Variants in TMX4 observed in about 807,000 individuals in gnomAD.
The protein encoded by TMX4 is thioredoxin related transmembrane protein 4.
Under a neutral mutation model 33.3 loss-of-function variants are expected in TMX4, and 23 were observed. The observed-to-expected ratio is 0.69, with a 90% confidence interval of 0.50 to 0.98. The LOEUF is 0.98. TMX4 is among the 50% of genes least tolerant of loss of function. The pLI, the probability that TMX4 is intolerant of heterozygous loss-of-function variation, is 0.00. For synonymous variants in TMX4, 164 were observed against 161.5 expected, an observed-to-expected ratio of 1.02 and a Z score of -0.12; for missense variants, 399 against 448.9, an observed-to-expected ratio of 0.89 and a Z score of 1.01.
intron 2 of TMX4, among the ~76,000 whole-genome samples, chr20:8,005,227 C>G (rs954895951): frequency 6.6e-6 from 1 of 152,134 alleles, no homozygotes; most frequent in Admixed American, 6.5e-5. Context: ...CTGCTGTTTT[C>G]CTGACCTTGA....
intron 1 of TMX4, among the ~76,000 whole-genome samples, chr20:8,017,744 G>A (rs999606758): frequency 6.6e-6 from 1 of 152,170 alleles, no homozygotes; most frequent in Non-Finnish European, 1.5e-5. Flanking sequence ...CTGACAAAAT[G>A]CAGTTTATCC....
Position 7,988,440 on chromosome 20 carries a change from GATAA to G in TMX4, c.514-1055_514-1052del, listed in dbSNP as rs547317124. Among the ~76,000 whole-genome samples, 110 of 152,308 alleles carry G rather than the reference GATAA, an allele frequency of 7.2e-4. No homozygotes were observed. In the Middle Eastern group the frequency reaches 0.01, roughly 14 times the overall value. On this transcript the variant is annotated intron_variant, in intron 5 of 7. Transcript: ENST00000246024. ...ATTTTATTCTGGCTTAATTTGGAATGATAAATAAAGAACAAAGCTTGTAAACTGA... is the reference window on the plus strand; with the variant it reads ...ATTTTATTCTGGCTTAATTTGGAATGATAAAGAACAAAGCTTGTAAACTGA...
At chr20:7,995,919 T>C in intron 5 of TMX4, 107 bp downstream of exon 5, 7 of 981,728 alleles carry the variant, frequency 7.1e-6, no homozygotes, top group Admixed American at 2.6e-5. Flanking sequence ...AGAAAAAAAG[T>C]GAAATTATAA....
chr20:7,998,521 G>C (rs2050687093), intron 4 of TMX4, among the ~76,000 whole-genome samples: 1 of 152,006 alleles, frequency 6.6e-6, no homozygotes, highest in Non-Finnish European at 1.5e-5. Context: ...CCTCTCCTAA[G>C]GGTCACCTTC....
At chr20:8,005,466 T>G (rs2050724999) in intron 2 of TMX4, among the ~76,000 whole-genome samples, 1 of 152,120 alleles carries the variant, frequency 6.6e-6, no homozygotes, top group African/African-American at 2.4e-5. Context: ...GGCAGGGAAG[T>G]GCTGGGAGGG....
chr20:8,010,380 C>T (rs183054556), intron 1 of TMX4, 65 bp from the exon 2 acceptor site: 21 of 988,942 alleles, frequency 2.1e-5, no homozygotes, highest in Middle Eastern at 2.3e-4. Context: ...ACAGAGAAAT[C>T]GAGTATTTAA....
At chr20:8,016,247 C>T (rs1297790958) in intron 1 of TMX4, among the ~76,000 whole-genome samples, 2 of 152,132 alleles carry the variant, frequency 1.3e-5, no homozygotes, top group Non-Finnish European at 2.9e-5. Flanking sequence ...AGCCGGGTGC[C>T]TGTATTCCCA....
chr20:8,015,008 CTTT>C (rs79573868), intron 1 of TMX4, among the ~76,000 whole-genome samples: 3 of 142,916 alleles, frequency 2.1e-5, no homozygotes. Context: ...TTCTTTTTTT[CTTT>C]TTTTTTTTTT....
intron 1 of TMX4, 30 bp downstream of exon 1, chr20:8,019,408 G>A (rs193100621): frequency 1.5e-5 from 23 of 1,509,846 alleles, no homozygotes; most frequent in Non-Finnish European, 2.0e-5. Context: ...CGAGGACACT[G>A]CGGCGTCCGG....
At chr20:7,996,916 G>A (rs2050678840) in intron 4 of TMX4, among the ~76,000 whole-genome samples, 1 of 151,986 alleles carries the variant, frequency 6.6e-6, no homozygotes, top group African/African-American at 2.4e-5. Context: ...ATTAAAATCT[G>A]GCTTCCACCC....
At chr20:8,005,006 C>CT (rs1424900264) in intron 2 of TMX4, among the ~76,000 whole-genome samples, 4 of 152,136 alleles carry the variant, frequency 2.6e-5, no homozygotes, top group Non-Finnish European at 5.9e-5. Context: ...ATTAACCTTA[C>CT]TTTTGAGATT....
rs1226157015 is a variant in TMX4, at chr20:8,019,627, C to A, written c.-14G>T. On this transcript the variant is annotated 5_prime_UTR_variant, in exon 1 of 8. Transcript: ENST00000246024. The stretch of plus-strand genomic sequence containing the variant: ...CCCACCCGCCATGTTGGGCGCCGAG[C>A]GAGGCTTCTCGGCGGGGAGTGTGGG... The A allele has an allele frequency of 2.3e-6, 3 of 1,331,224 alleles. No homozygotes were observed. Among genetic ancestry groups the A allele is most frequent in the Non-Finnish European group, 2.9e-6 (3 of 1,040,268 alleles). The allele number at this position is 1,331,224 out of a possible 1,614,324, so 82.5% of individuals were successfully genotyped here. A position where few individuals can be genotyped will look rare whatever the true frequency, so the allele number is the denominator to read the frequency against.
rs58961297 is a variant in TMX4, at chr20:7,997,933, G to C, written c.467+1799C>G. ...ACCATCCACTTGGTGCTATTCTCTT[G>C]ATAATGAGTGATCTCTCAGGAGATT... On this transcript the variant is annotated intron_variant, in intron 4 of 7. Transcript: ENST00000246024. Among the ~76,000 whole-genome samples, 1,468 of 152,262 alleles carry C rather than the reference G, an allele frequency of 9.6e-3. 47 individuals carry two copies. The highest frequency in any genetic ancestry group is 0.065 in the East Asian group (337 of 5,188).
At chr20:7,997,722 C>T (rs1038979513) in intron 4 of TMX4, among the ~76,000 whole-genome samples, 5 of 152,200 alleles carry the variant, frequency 3.3e-5, no homozygotes, top group African/African-American at 1.2e-4. Flanking sequence ...GCTCTCATGG[C>T]GACTGGCCAA....
intron 5 of TMX4, among the ~76,000 whole-genome samples, chr20:7,994,964 C>CA (rs752689378): frequency 6.7e-6 from 1 of 149,516 alleles, no homozygotes; most frequent in African/African-American, 2.6e-5. Flanking sequence ...AGACAAATGC[C>CA]AAAAAAAGTT....
At chr20:8,018,190 T>C (rs1444925334) in intron 1 of TMX4, among the ~76,000 whole-genome samples, 1 of 130,920 alleles carries the variant, frequency 7.6e-6, no homozygotes, top group Non-Finnish European at 1.5e-5. Context: ...AAAGATTCAA[T>C]AGTAGTATAC....
At chr20:8,006,985 T>C (rs1377967348) in intron 2 of TMX4, among the ~76,000 whole-genome samples, 1 of 152,204 alleles carries the variant, frequency 6.6e-6, no homozygotes, top group Non-Finnish European at 1.5e-5. Flanking sequence ...CAGGCTGGTC[T>C]TGAACTCCTG....
At chr20:7,994,549 T>C (rs1243583818) in intron 5 of TMX4, among the ~76,000 whole-genome samples, 1 of 152,248 alleles carries the variant, frequency 6.6e-6, no homozygotes, top group African/African-American at 2.4e-5. Flanking sequence ...TCTTCCCTGC[T>C]ATCGTCTTTG....
intron 4 of TMX4, among the ~76,000 whole-genome samples, chr20:7,996,905 G>A (rs552199596): frequency 1.3e-5 from 2 of 152,006 alleles, no homozygotes; most frequent in East Asian, 1.9e-4. Context: ...ACCTTTAATC[G>A]ATTAAAATCT....
Sources: allele counts gnomAD v4.1 joint callset (sites outside exome capture counted in the v4.1 genomes callset), GRCh38; gene constraint gnomAD v4.1.1; transcripts MANE v1.5; gene names NCBI Gene and HGNC (gene_info 2026-07-23, HGNC 2026-07-21).